The following DLG1 variants were observed in gnomAD, a reference collection of about 807,000 sequenced individuals.
DLG1 encodes the protein disks large homolog 1.
A neutral mutation model predicts 123.4 loss-of-function variants in DLG1; 42 were observed. The ratio of observed to expected loss-of-function variants is 0.34; its 90% confidence interval spans 0.27 to 0.44. The LOEUF (loss-of-function observed/expected upper bound fraction) is 0.44. Ranked by LOEUF, DLG1 falls within the 20% of genes least tolerant of loss-of-function variation. The pLI, the probability that DLG1 is intolerant of heterozygous loss-of-function variation, is 1.00. For synonymous variants in DLG1, 317 were observed against 356.2 expected, an observed-to-expected ratio of 0.89 and a Z score of 1.24; for missense variants, 942 against 1,082.6, an observed-to-expected ratio of 0.87 and a Z score of 1.82.
intron 24 of DLG1, among the ~76,000 whole-genome samples, chr3:197,050,202 C>G (rs1225955228): frequency 6.6e-6 from 1 of 152,008 alleles, no homozygotes; most frequent in East Asian, 1.9e-4. Context: ...CCCATCTCTA[C>G]TAAAAATACA....
chr3:197,227,867 C>G (rs1017303097), intron 4 of DLG1, among the ~76,000 whole-genome samples: 1 of 152,204 alleles, frequency 6.6e-6, no homozygotes, highest in African/African-American at 2.4e-5. Context: ...CTGCAAATCA[C>G]ATGACTTGTG....
At chr3:197,134,626 CCTGA>C (rs1197136634) in intron 10 of DLG1, among the ~76,000 whole-genome samples, 1 of 152,212 alleles carries the variant, frequency 6.6e-6, no homozygotes, top group African/African-American at 2.4e-5. Flanking sequence ...AGTGGAGAGT[CCTGA>C]CTATTATACT....
intron 5 of DLG1, among the ~76,000 whole-genome samples, chr3:197,153,065 T>G (rs1794742690): frequency 6.6e-6 from 1 of 152,224 alleles, no homozygotes; most frequent in Admixed American, 6.5e-5. Flanking sequence ...GTCTAGTGTT[T>G]CTTTCTCCTC....
chr3:197,252,804 A>C (rs1176628924), intron 4 of DLG1, among the ~76,000 whole-genome samples: 1 of 152,208 alleles, frequency 6.6e-6, no homozygotes, highest in Non-Finnish European at 1.5e-5. Flanking sequence ...GCTGCATCTC[A>C]TGAATGTATT....
intron 5 of DLG1, among the ~76,000 whole-genome samples, chr3:197,162,997 G>A (rs1348320051): frequency 2.0e-5 from 3 of 152,080 alleles, no homozygotes; most frequent in Non-Finnish European, 4.4e-5. Flanking sequence ...CTCTTACAAC[G>A]CAACAACACA....
chr3:197,207,447 A>G (rs768922059), intron 4 of DLG1, among the ~76,000 whole-genome samples: 2 of 147,290 alleles, frequency 1.4e-5, no homozygotes, highest in Non-Finnish European at 3.0e-5. Context: ...GTTTATCTAT[A>G]CTTTTATCTT....
At chr3:197,230,822 A>G (rs1027211157) in intron 4 of DLG1, among the ~76,000 whole-genome samples, 7 of 152,220 alleles carry the variant, frequency 4.6e-5, no homozygotes, top group Non-Finnish European at 7.4e-5. Flanking sequence ...CCAGAAGTAT[A>G]CATCTTAAAG....
chr3:197,135,177 T>C (rs1200916985), intron 10 of DLG1, among the ~76,000 whole-genome samples: 1 of 152,234 alleles, frequency 6.6e-6, no homozygotes, highest in Non-Finnish European at 1.5e-5. Context: ...CTTAGCACTT[T>C]AGCTTTTCTT....
At chr3:197,183,773 G>A (rs1714059071) in intron 5 of DLG1, 4 of 1,550,472 alleles carry the variant, frequency 2.6e-6, no homozygotes, top group Non-Finnish European at 3.5e-6. Context: ...TGCCGCGAGA[G>A]TATAGAAGTG....
intron 4 of DLG1, among the ~76,000 whole-genome samples, chr3:197,242,897 T>A (rs1365944647): frequency 6.6e-6 from 1 of 152,018 alleles, no homozygotes; most frequent in Non-Finnish European, 1.5e-5. Flanking sequence ...GACCAGGAGT[T>A]CAAGATCCTG....
chr3:197,261,084 T>C (rs1024980136), intron 4 of DLG1, among the ~76,000 whole-genome samples: 8 of 152,336 alleles, frequency 5.3e-5, no homozygotes, highest in African/African-American at 1.7e-4. Context: ...CACAAAAAGA[T>C]AGTTACAACT....
Position 197,152,762 on chromosome 3 carries a change from CAAAAAAAAAAA to C in DLG1, c.484-2977_484-2967del, listed in dbSNP as rs63446260. Among the ~76,000 whole-genome samples, 108 of 52,530 alleles carry C rather than the reference CAAAAAAAAAAA, an allele frequency of 2.1e-3. 2 individuals carry two copies. The highest frequency in any genetic ancestry group is 7.8e-3 in the African/African-American group (100 of 12,828). The allele number at this position is 52,530 out of a possible 152,430, so 34.5% of individuals were successfully genotyped here. On this transcript the variant is annotated intron_variant, in intron 5 of 24. Coordinates refer to ENST00000667157, the MANE Select transcript of DLG1 (RefSeq NM_001366207.1). ...TGGGCAACAGAGCGAGACTCTGTCT[CAAAAAAAAAAA>C]AAAAAAAAAAAAAGTCAAGTTTATT...
At chr3:197,153,586 T>C (rs1219104375) in intron 5 of DLG1, among the ~76,000 whole-genome samples, 1 of 152,178 alleles carries the variant, frequency 6.6e-6, no homozygotes, top group East Asian at 1.9e-4. Context: ...TCCTCCTCAT[T>C]GTTGGAAACC....
chr3:197,268,466 C>A (rs922025519), intron 4 of DLG1, among the ~76,000 whole-genome samples: 1 of 152,038 alleles, frequency 6.6e-6, no homozygotes, highest in Non-Finnish European at 1.5e-5. Flanking sequence ...GTCGCCCAGG[C>A]TGGAATGCAG....
At chr3:197,103,045 C>G (rs1348148263) in intron 14 of DLG1, among the ~76,000 whole-genome samples, 2 of 152,188 alleles carry the variant, frequency 1.3e-5, no homozygotes, top group African/African-American at 4.8e-5. Context: ...CTCTGCTTTT[C>G]TAAACCAAAC....
intron 5 of DLG1, chr3:197,161,632 A>G (rs758648771): frequency 1.4e-6 from 2 of 1,432,230 alleles, no homozygotes; most frequent in Non-Finnish European, 1.9e-6. Context: ...AAAGAAACTA[A>G]TAAAAACCTG....
chr3:197,283,688 A>G (rs1770436090), intron 3 of DLG1, among the ~76,000 whole-genome samples: 1 of 152,180 alleles, frequency 6.6e-6, no homozygotes, highest in Admixed American at 6.5e-5. Context: ...AATTTTGGAT[A>G]AGGGAATAGT....
At chr3:197,297,142 A>G (rs1275802494) in intron 2 of DLG1, 44 bp downstream of exon 2, 1 of 1,611,178 alleles carries the variant, frequency 6.2e-7, no homozygotes, top group South Asian at 1.1e-5. Context: ...GACACACGGA[A>G]AAGCAAGTGA....
At chr3:197,204,307 C>T (rs1279982230) in intron 4 of DLG1, among the ~76,000 whole-genome samples, 1 of 152,164 alleles carries the variant, frequency 6.6e-6, no homozygotes, top group African/African-American at 2.4e-5. Flanking sequence ...CAGAAGAATC[C>T]TATAACAATT....
Sources: allele counts gnomAD v4.1 joint callset (sites outside exome capture counted in the v4.1 genomes callset), GRCh38; gene constraint gnomAD v4.1.1; transcripts MANE v1.5; gene names NCBI Gene and HGNC (gene_info 2026-07-23, HGNC 2026-07-21).